Variants in GABRR3 observed in about 807,000 individuals in gnomAD.
GABRR3 encodes gamma-aminobutyric acid receptor subunit rho-3.
In GABRR3, 29 loss-of-function variants were observed where a neutral mutation model predicts 43.2. That is an observed-to-expected ratio of 0.67 (90% CI 0.50 to 0.92). The LOEUF (loss-of-function observed/expected upper bound fraction) is 0.92, where lower values mean the gene tolerates loss of function less well. GABRR3 is among the 40% of genes least tolerant of loss of function. The pLI is 0.00. For missense variants in GABRR3, 576 were observed against 572.3 expected (o/e 1.01, Z -0.07); for synonymous variants, 206 against 195.9 (o/e 1.05, Z -0.43).
intron 7 of GABRR3, among the ~76,000 whole-genome samples, chr3:98,003,550 T>G (rs1025669952): frequency 1.3e-5 from 2 of 151,852 alleles, no homozygotes; most frequent in African/African-American, 4.8e-5. Context: ...CATTTCCCTA[T>G]CAGGAAAGGT....
intron 8 of GABRR3, among the ~76,000 whole-genome samples, chr3:97,995,133 C>T (rs553582769): frequency 6.6e-6 from 1 of 152,180 alleles, no homozygotes; most frequent in East Asian, 1.9e-4. Flanking sequence ...CATGCACCAC[C>T]ACCTGGGCTA....
chr3:97,995,269 G>A (rs116140032), intron 8 of GABRR3, among the ~76,000 whole-genome samples: 3,180 of 152,140 alleles, frequency 0.021, 102 homozygotes, highest in African/African-American at 0.072. Context: ...GAGCCACCAC[G>A]CCCAGCTAAA....
At chr3:97,993,181 A>G in intron 8 of GABRR3, 133 bp from the exon 9 acceptor site, 1 of 597,834 alleles carries the variant, frequency 1.7e-6, no homozygotes, top group Non-Finnish European at 2.8e-6. Context: ...AGGTGTGTGC[A>G]TGTTGACCAG....
At position 98,020,016 on chromosome 3, in the gene GABRR3, A is replaced by C. The variant is rs371121635; in HGVS notation, c.239-2294T>G. Among the ~76,000 whole-genome samples, 6 of 152,202 alleles carry C rather than the reference A, an allele frequency of 3.9e-5. No homozygotes were observed. The East Asian group carries it at 5.8e-4, about 15-fold the overall frequency. On this transcript the variant is annotated intron_variant, in intron 3 of 9. Coordinates refer to ENST00000621172, the Ensembl canonical transcript of GABRR3. ...TTGGAATTAGTAGAATAATCAAAATAACAATTCACGAAAATATCTTTGCCA... is the reference window on the plus strand; with the variant it reads ...TTGGAATTAGTAGAATAATCAAAATCACAATTCACGAAAATATCTTTGCCA...
At chr3:97,989,491 G>T (rs1430144534) in intron 9 of GABRR3, among the ~76,000 whole-genome samples, 1 of 151,436 alleles carries the variant, frequency 6.6e-6, no homozygotes, top group East Asian at 1.9e-4. Context: ...GGTGGATGGT[G>T]CTGGGTGGTG....
chr3:98,008,917 A>C (rs1335548646), intron 6 of GABRR3, 39 bp downstream of exon 6: 4 of 1,231,506 alleles, frequency 3.2e-6, no homozygotes, highest in Non-Finnish European at 4.7e-6. Context: ...TGGTGTGTTC[A>C]AATGATGTGC....
exon 5 of GABRR3, chr3:98,012,502 T>C (rs1274836461): frequency 6.2e-7 from 1 of 1,614,026 alleles, no homozygotes; most frequent in South Asian, 1.1e-5. Context: ...TTTTGTTTGC[T>C]GTGCTAGGAA....
intron 2 of GABRR3, among the ~76,000 whole-genome samples, chr3:98,029,058 A>G (rs145652497): frequency 1.3e-5 from 2 of 152,204 alleles, no homozygotes; most frequent in Non-Finnish European, 2.9e-5. Context: ...TTTAGCCGCT[A>G]CTGAGAAGAA....
At chr3:97,990,024 T>C (rs1706441838) in intron 9 of GABRR3, among the ~76,000 whole-genome samples, 1 of 152,184 alleles carries the variant, frequency 6.6e-6, no homozygotes, top group Admixed American at 6.5e-5. Flanking sequence ...AGACATTTCT[T>C]CTATCCGGCC....
intron 3 of GABRR3, among the ~76,000 whole-genome samples, chr3:98,023,925 C>T (rs1231960297): frequency 2.0e-5 from 3 of 152,154 alleles, no homozygotes; most frequent in Admixed American, 6.5e-5. Context: ...TTGTTAGAAA[C>T]GCAAATGGTT....
chr3:97,985,315 C>T (rs1330080908), downstream of GABRR3, among the ~76,000 whole-genome samples: 2 of 152,160 alleles, frequency 1.3e-5, no homozygotes, highest in Non-Finnish European at 2.9e-5. Context: ...ACCCACTTGA[C>T]CTGGTTTACT....
intron 4 of GABRR3, among the ~76,000 whole-genome samples, chr3:98,016,889 G>A (rs576129995): frequency 9.9e-5 from 15 of 152,168 alleles, no homozygotes; most frequent in Non-Finnish European, 1.6e-4. Flanking sequence ...AAAATAAAAT[G>A]GAAAATTACG....
At position 98,020,844 on chromosome 3, in the gene GABRR3, C is replaced by T. The variant is rs569206472; in HGVS notation, c.239-3122G>A. 2.6e-4 allele frequency among the ~76,000 whole-genome samples: 39 copies of T among 151,004 alleles called. No individual in the cohort carries two copies. In the South Asian group the frequency reaches 8.0e-3, roughly 31 times the overall value. On this transcript the variant is annotated intron_variant, in intron 3 of 9. Transcript: ENST00000621172. ...ATGTATGCCCTTGGGTGCCGTCTGGCCTCATTTCTTTTTCTTTTTCTTTTT... is the reference window on the plus strand; with the variant it reads ...ATGTATGCCCTTGGGTGCCGTCTGGTCTCATTTCTTTTTCTTTTTCTTTTT...
chr3:97,987,941 C>T (rs1706408608), intron 9 of GABRR3, among the ~76,000 whole-genome samples: 1 of 151,884 alleles, frequency 6.6e-6, no homozygotes, highest in Non-Finnish European at 1.5e-5. Context: ...CTACACTAGG[C>T]TAATTTTTTT....
At chr3:97,994,690 A>G (rs529872260) in intron 8 of GABRR3, among the ~76,000 whole-genome samples, 1 of 152,366 alleles carries the variant, frequency 6.6e-6, no homozygotes, top group African/African-American at 2.4e-5. Flanking sequence ...GCTTGCTTTT[A>G]TCAAATATTT....
At chr3:98,014,545 T>C (rs1433560010) in intron 4 of GABRR3, among the ~76,000 whole-genome samples, 1 of 152,236 alleles carries the variant, frequency 6.6e-6, no homozygotes, top group East Asian at 1.9e-4. Context: ...ATTAGTGCTA[T>C]TCCCTTTTGC....
At chr3:98,005,526 A>G (rs1706714298) in intron 7 of GABRR3, among the ~76,000 whole-genome samples, 1 of 152,190 alleles carries the variant, frequency 6.6e-6, no homozygotes, top group Non-Finnish European at 1.5e-5. Context: ...AAATGCAAGC[A>G]TCTTTGTAAG....
intron 3 of GABRR3, among the ~76,000 whole-genome samples, chr3:98,019,008 A>G (rs1279570250): frequency 6.6e-6 from 1 of 152,012 alleles, no homozygotes; most frequent in Admixed American, 6.6e-5. Flanking sequence ...TACTCGGAAG[A>G]CTGACGCATG....
intron 7 of GABRR3, among the ~76,000 whole-genome samples, chr3:98,006,755 A>C (rs1045079966): frequency 6.6e-6 from 1 of 152,186 alleles, no homozygotes; most frequent in African/African-American, 2.4e-5. Context: ...TAATATCCAG[A>C]AGGGGAATGA....
Sources: allele counts gnomAD v4.1 joint callset (sites outside exome capture counted in the v4.1 genomes callset), GRCh38; gene constraint gnomAD v4.1.1; transcripts MANE v1.5; gene names NCBI Gene and HGNC (gene_info 2026-07-23, HGNC 2026-07-21).